The following SEPTIN7 variants were observed in gnomAD, a reference collection of about 807,000 sequenced individuals.
The protein encoded by SEPTIN7 is septin 7.
In SEPTIN7, 10 loss-of-function variants were observed where a neutral mutation model predicts 63.3. That is an observed-to-expected ratio of 0.16 (90% CI 0.10 to 0.27). The LOEUF (loss-of-function observed/expected upper bound fraction) is 0.27, where lower values mean the gene tolerates loss of function less well. Among genes scored for constraint, SEPTIN7 ranks in the 10% least tolerant of loss-of-function variants. The pLI is 1.00. For missense variants in SEPTIN7, 310 were observed against 521.0 expected, an observed-to-expected ratio of 0.59 and a Z score of 3.94; for synonymous variants, 131 against 165.3, an observed-to-expected ratio of 0.79 and a Z score of 1.59.
Position 35,848,442 on chromosome 7 carries a change from G to T in SEPTIN7, c.170-15110G>T, listed in dbSNP as rs373795636. On this transcript the variant is annotated intron_variant, in intron 3 of 13. Transcript: ENST00000350320. ...ACCACCATGCCCAGCTAATTTTTTG[G>T]TTTTTTTTTAGTAGAGACGGGGTTT... 1.7e-3 allele frequency among the ~76,000 whole-genome samples: 259 copies of T among 150,844 alleles called. 1 individual carries two copies. Among genetic ancestry groups the T allele is most frequent in the African/African-American group, 5.7e-3 (236 of 41,110 alleles).
At chr7:35,854,422 G>A (rs1293253408) in intron 3 of SEPTIN7, among the ~76,000 whole-genome samples, 1 of 152,234 alleles carries the variant, frequency 6.6e-6, no homozygotes, top group Non-Finnish European at 1.5e-5. Flanking sequence ...GGTTGCCACA[G>A]CTGGGGAGGA....
At chr7:35,836,172 T>C (rs1384012258) in intron 3 of SEPTIN7, among the ~76,000 whole-genome samples, 1 of 151,706 alleles carries the variant, frequency 6.6e-6, no homozygotes, top group African/African-American at 2.4e-5. Context: ...AATGAAGACA[T>C]GTAGATCTCT....
downstream of SEPTIN7, among the ~76,000 whole-genome samples, chr7:35,908,736 C>G (rs1276826789): frequency 6.6e-6 from 1 of 152,122 alleles, no homozygotes; most frequent in Non-Finnish European, 1.5e-5. Flanking sequence ...TCCCTTTTGT[C>G]CAAGTGTGTT....
At position 35,832,833 on chromosome 7, in the gene SEPTIN7, C is replaced by T; in HGVS notation, c.102C>T (p.Ala34=). Residue 34 remains alanine (A), a synonymous_variant, in exon 3 of 14, where the codon GCC becomes GCT. Coordinates refer to ENST00000350320, the MANE Select transcript of SEPTIN7 (RefSeq NM_001788.6). Reference sequence around the variant, plus strand: ...ACCTTGAAGGCTATGTGGGATTTGCCAATCTCCCAAATCAAGTATACAGAA... The same window carrying T: ...ACCTTGAAGGCTATGTGGGATTTGCTAATCTCCCAAATCAAGTATACAGAA... The part of the protein sequence containing the change: ...QKNLEGYVGF[A]NLPNQVYRKS... 6.2e-7 allele frequency: 1 copy of T among 1,611,226 alleles called. No homozygotes were observed. The highest frequency in any genetic ancestry group is 8.5e-7 in the Non-Finnish European group (1 of 1,177,646).
chr7:35,804,127 T>A (rs1788176623), intron 1 of SEPTIN7, among the ~76,000 whole-genome samples: 1 of 152,208 alleles, frequency 6.6e-6, no homozygotes, highest in Non-Finnish European at 1.5e-5. Context: ...GACTGTTAAG[T>A]CCGTGTGGCT....
At chr7:35,864,839 C>A (rs186403835) in intron 4 of SEPTIN7, among the ~76,000 whole-genome samples, 2 of 152,192 alleles carry the variant, frequency 1.3e-5, no homozygotes, top group East Asian at 1.9e-4. Context: ...GGCAGTGATG[C>A]TTTTAGCTGG....
intron 1 of SEPTIN7, among the ~76,000 whole-genome samples, chr7:35,809,104 T>C (rs1788539749): frequency 6.6e-6 from 1 of 152,234 alleles, no homozygotes. Flanking sequence ...GTTTAGAACT[T>C]CAACAATCAA....
chr7:35,854,284 T>C (rs1785094121), intron 3 of SEPTIN7, among the ~76,000 whole-genome samples: 1 of 152,202 alleles, frequency 6.6e-6, no homozygotes, highest in South Asian at 2.1e-4. Flanking sequence ...CACAGAAGAA[T>C]TTATAACTTA....
At chr7:35,819,815 C>T (rs1789304037) in intron 1 of SEPTIN7, among the ~76,000 whole-genome samples, 1 of 152,220 alleles carries the variant, frequency 6.6e-6, no homozygotes, top group Non-Finnish European at 1.5e-5. Context: ...AAACATGTCT[C>T]ATGTGGGCAC....
chr7:35,864,471 A>G (rs778029979), intron 4 of SEPTIN7, among the ~76,000 whole-genome samples: 7 of 152,164 alleles, frequency 4.6e-5, no homozygotes, highest in African/African-American at 7.2e-5. Flanking sequence ...TGTGGCTATT[A>G]ATCTTTGAAA....
At chr7:35,914,109 A>G in the SEPTIN7 span, among the ~76,000 whole-genome samples, 1 of 152,252 alleles carries the variant, frequency 6.6e-6, no homozygotes, top group South Asian at 2.1e-4. Flanking sequence ...ACATTGAGAA[A>G]GAATGAGGTA....
At chr7:35,823,447 C>G (rs187084374) in intron 1 of SEPTIN7, among the ~76,000 whole-genome samples, 95 of 152,216 alleles carry the variant, frequency 6.2e-4, no homozygotes, top group African/African-American at 2.2e-3. Flanking sequence ...GTGATCTGCC[C>G]GCCTCAGCCT....
At position 35,890,667 on chromosome 7, in the gene SEPTIN7, G is replaced by T; in HGVS notation, c.873-1G>T. On this transcript the variant is annotated splice_acceptor_variant, in intron 10 of 13. Coordinates refer to ENST00000350320, the MANE Select transcript of SEPTIN7 (RefSeq NM_001788.6). LOFTEE classifies it high-confidence loss of function. ...AAACTCTTGCTGTTTGTTTATGACA[G>T]AACACACATGCAGGACTTGAAAGAT... The T allele has an allele frequency of 6.5e-7, 1 of 1,534,830 alleles. No individual in the cohort carries two copies. Among genetic ancestry groups the T allele is most frequent in the South Asian group, 1.3e-5 (1 of 76,352 alleles).
At chr7:35,879,490 TA>T (rs11345858) in intron 6 of SEPTIN7, 132,701 of 156,476 alleles carry the variant, frequency 0.85, 56,733 homozygotes, top group East Asian at 0.98. Context: ...AAAAATTAAA[TA>T]AAAAAAAAAA....
chr7:35,871,042 T>C (rs542357749), intron 4 of SEPTIN7, among the ~76,000 whole-genome samples: 4 of 152,310 alleles, frequency 2.6e-5, no homozygotes, highest in East Asian at 1.9e-4. Flanking sequence ...ACAACTGTTA[T>C]TGATGTTTAC....
At chr7:35,891,083 G>A (rs1474967009) in intron 11 of SEPTIN7, among the ~76,000 whole-genome samples, 1 of 152,090 alleles carries the variant, frequency 6.6e-6, no homozygotes, top group Admixed American at 6.5e-5. Context: ...CCTATTCCAG[G>A]GAGTAAATTA....
intron 1 of SEPTIN7, among the ~76,000 whole-genome samples, chr7:35,801,572 C>A (rs1465401693): frequency 2.0e-5 from 3 of 151,988 alleles, no homozygotes; most frequent in African/African-American, 7.3e-5. Flanking sequence ...GCAGCCTGAG[C>A]GTGGTGGTCT....
intron 13 of SEPTIN7, among the ~76,000 whole-genome samples, chr7:35,903,539 A>G (rs962588608): frequency 6.6e-6 from 1 of 152,124 alleles, no homozygotes; most frequent in Admixed American, 6.5e-5. Context: ...GTTGTTTTCA[A>G]TTTTTGGCAC....
chr7:35,895,454 A>C (rs1166146425), intron 11 of SEPTIN7, among the ~76,000 whole-genome samples: 4 of 152,228 alleles, frequency 2.6e-5, no homozygotes, highest in African/African-American at 9.6e-5. Context: ...AAAAACTTAC[A>C]GTATCTTAAC....
Sources: gnomAD v4.1 joint callset for allele counts (sites outside exome capture counted in the v4.1 genomes callset) on GRCh38, gnomAD v4.1.1 for gene constraint, MANE v1.5 for transcripts, NCBI Gene and HGNC (gene_info 2026-07-23, HGNC 2026-07-21) for gene names.